The following DPP6 variants were observed in gnomAD, a reference collection of about 807,000 sequenced individuals.
DPP6 encodes A-type potassium channel modulatory protein DPP6.
In DPP6, 69 loss-of-function variants were observed where a neutral mutation model predicts 122.6. The ratio of observed to expected loss-of-function variants is 0.56; its 90% CI spans 0.46 to 0.69. DPP6 has a LOEUF of 0.69. Ranked by LOEUF, DPP6 falls within the 30% of genes least tolerant of loss-of-function variation. DPP6 has a pLI of 0.00. For missense variants in DPP6, 928 were observed against 1,116.9 expected (o/e 0.83, Z 2.41); for synonymous variants, 418 against 433.1 (o/e 0.97, Z 0.43).
At chr7:153,952,488 A>T (rs1802267047) in intron 1 of DPP6, among the ~76,000 whole-genome samples, 1 of 152,194 alleles carries the variant, frequency 6.6e-6, no homozygotes, top group Non-Finnish European at 1.5e-5. Flanking sequence ...AAAGTGTTTT[A>T]TTATTTTTTT....
chr7:154,148,656 T>G (rs1796244429), intron 1 of DPP6, among the ~76,000 whole-genome samples: 2 of 152,304 alleles, frequency 1.3e-5, no homozygotes, highest in South Asian at 4.1e-4. Flanking sequence ...ACTAGAAGGC[T>G]TTAATTTTCT....
intron 1 of DPP6, among the ~76,000 whole-genome samples, chr7:154,046,625 A>G (rs1019107289): frequency 7.9e-5 from 12 of 152,250 alleles, no homozygotes; most frequent in Admixed American, 2.6e-4. Flanking sequence ...GGGGTTTGTC[A>G]CGTAAAGGAA....
rs1292802696 is a variant in DPP6 at position 154,892,537 on chromosome 7, G to A, written c.*57G>A. The A allele has an allele frequency of 3.3e-5, 45 of 1,355,448 alleles. No individual in the cohort carries two copies. The highest frequency in any genetic ancestry group is 4.4e-5 in the Non-Finnish European group (44 of 1,010,612). 84.0% of individuals were successfully genotyped at this position (1,355,448 alleles called of 1,614,324 possible). On this transcript the variant is annotated 3_prime_UTR_variant, in exon 26 of 26. Transcript: ENST00000377770. ...TTTCTACAACCAGATGCAACCGAGG[G>A]ATTTCCCTGCCCTCCCTCTTCCCTC...
rs184163151 is a variant in DPP6, at chr7:154,755,076, C to T, written c.884-14341C>T. The stretch of plus-strand genomic sequence containing the variant: ...GGTTGATAGATGCAGCAAACCACCA[C>T]GGCACATGTATACCTATGTAACAAA... On this transcript the variant is annotated intron_variant, in intron 8 of 25. Coordinates refer to ENST00000377770, the MANE Select transcript of DPP6 (RefSeq NM_130797.4). The surrounding 1 kb of genome is among the most constrained non-coding windows in gnomAD (Gnocchi z 4.7). Among the ~76,000 whole-genome samples, 20 of 150,730 alleles carry T rather than the reference C, an allele frequency of 1.3e-4. No homozygotes were observed. In the South Asian group the frequency reaches 3.2e-3, roughly 24 times the overall value.
intron 3 of DPP6, among the ~76,000 whole-genome samples, chr7:154,524,492 G>A (rs899941467): frequency 5.3e-5 from 8 of 152,180 alleles, no homozygotes; most frequent in African/African-American, 1.9e-4. Flanking sequence ...CATGGCTGAT[G>A]TGCTCACATG....
At chr7:154,617,543 T>C (rs35122259) in intron 5 of DPP6, among the ~76,000 whole-genome samples, 40,129 of 152,128 alleles carry the variant, frequency 0.26, 6,234 homozygotes, top group East Asian at 0.58. Flanking sequence ...GACTCTATTT[T>C]CTCTCTGACA....
chr7:153,894,240 A>C (rs888955766), intron 1 of DPP6, among the ~76,000 whole-genome samples: 2 of 152,220 alleles, frequency 1.3e-5, no homozygotes, highest in African/African-American at 2.4e-5. Flanking sequence ...AAATACATTT[A>C]GTCCAGATCA....
rs1373368961 is a variant in DPP6, at chr7:154,875,903, C to T, written c.1884-3C>T. 11 of 1,606,290 alleles carry T rather than the reference C, an allele frequency of 6.8e-6. No individual in the cohort carries two copies. The highest frequency in any genetic ancestry group is 9.3e-6 in the Non-Finnish European group (11 of 1,176,650). On this transcript the variant is annotated splice_polypyrimidine_tract_variant and splice_region_variant and intron_variant, in intron 19 of 25. Transcript: ENST00000377770. The surrounding 1 kb of genome is among the most constrained non-coding windows in gnomAD (Gnocchi z 4.5). ...CCTGCTGAGCCCGGGATTCTCTTTC[C>T]AGGGATGGCACCCCAGGCAGCCAGA...
intron 1 of DPP6, among the ~76,000 whole-genome samples, chr7:154,283,692 C>T (rs1050629074): frequency 3.3e-5 from 5 of 152,114 alleles, no homozygotes; most frequent in African/African-American, 1.2e-4. Flanking sequence ...TTGATGATCT[C>T]GACGATCTTG....
chr7:154,820,227 A>T (rs1190685441), intron 16 of DPP6, among the ~76,000 whole-genome samples: 1 of 152,254 alleles, frequency 6.6e-6, no homozygotes, highest in South Asian at 2.1e-4. Flanking sequence ...GGGAGGCCTC[A>T]GACCGAGCGC....
intron 8 of DPP6, among the ~76,000 whole-genome samples, chr7:154,746,400 T>C (rs1843037793): frequency 5.3e-5 from 8 of 152,174 alleles, no homozygotes; most frequent in Admixed American, 5.2e-4. Flanking sequence ...CTTGGTCTAT[T>C]TGACACCTAA....
At chr7:154,888,080 G>C (rs1446316664) in intron 23 of DPP6, among the ~76,000 whole-genome samples, 2 of 148,498 alleles carry the variant, frequency 1.3e-5, no homozygotes, top group African/African-American at 5.0e-5. Context: ...TGCTGGGGGA[G>C]AGTGAGCTTT....
intron 1 of DPP6, among the ~76,000 whole-genome samples, chr7:154,434,978 A>G (rs1479074869): frequency 6.6e-6 from 1 of 152,142 alleles, no homozygotes; most frequent in Non-Finnish European, 1.5e-5. Flanking sequence ...CTGGGATTAC[A>G]GGCACACGCC....
intron 1 of DPP6, among the ~76,000 whole-genome samples, chr7:154,445,975 C>A (rs1041796262): frequency 3.9e-5 from 6 of 152,152 alleles, no homozygotes; most frequent in African/African-American, 1.2e-4. Flanking sequence ...ATATCAGATT[C>A]TTTCTTGAGG....
chr7:154,305,175 T>C, intron 1 of DPP6: 1 of 961,420 alleles, frequency 1.0e-6, no homozygotes, highest in Non-Finnish European at 1.3e-6. Context: ...GTCCCCTTCC[T>C]GCACCCAGCC....
At chr7:154,065,762 T>C (rs1241152579) in intron 1 of DPP6, among the ~76,000 whole-genome samples, 3 of 152,198 alleles carry the variant, frequency 2.0e-5, no homozygotes, top group Non-Finnish European at 4.4e-5. Flanking sequence ...ATCAGTGGCA[T>C]AGAGGCCCTG....
the DPP6 span, among the ~76,000 whole-genome samples, chr7:153,865,472 C>T: frequency 2.6e-5 from 4 of 152,014 alleles, no homozygotes; most frequent in African/African-American, 9.7e-5. Flanking sequence ...ATATCGTTGT[C>T]ACCTCATAAC....
chr7:154,505,752 T>A (rs1825616652), intron 3 of DPP6, among the ~76,000 whole-genome samples: 1 of 152,240 alleles, frequency 6.6e-6, no homozygotes, highest in Non-Finnish European at 1.5e-5. Context: ...ACATGATTTA[T>A]GGCCATTGGT....
At chr7:154,473,584 T>C (rs1822474965) in intron 2 of DPP6, among the ~76,000 whole-genome samples, 2 of 152,226 alleles carry the variant, frequency 1.3e-5, no homozygotes. Context: ...ATAAAACCCA[T>C]GCAATGCACT....
Sources: gnomAD v4.1 joint callset for allele counts (sites outside exome capture counted in the v4.1 genomes callset) on GRCh38, gnomAD v4.1.1 for gene constraint, Gnocchi (gnomAD v3.1) non-coding constraint, MANE v1.5 for transcripts, NCBI Gene and HGNC (gene_info 2026-07-23, HGNC 2026-07-21) for gene names.